The following CRIP1 variants were observed in gnomAD, a reference collection of about 807,000 sequenced individuals.
CRIP1 encodes cysteine rich protein 1.
A neutral mutation model predicts 12.9 loss-of-function variants in CRIP1; 11 were observed. The observed-to-expected ratio is 0.86, with a 90% CI of 0.54 to 1.42. The LOEUF (loss-of-function observed/expected upper bound fraction) is 1.42. Ranked by LOEUF, CRIP1 falls within the 40% of genes most tolerant of loss-of-function variation. The probability of loss-of-function intolerance (pLI) is 0.00; values close to 1 mark genes in which losing one functional copy is unlikely to be tolerated. For synonymous variants in CRIP1, 41 were observed against 37.2 expected (o/e 1.10, Z -0.37); for missense variants, 122 against 101.3 (o/e 1.20, Z -0.88).
chr14:105,488,544 C>T lies in CRIP1; in HGVS notation c.*5+28C>T, dbSNP rs782695231. The stretch of plus-strand genomic sequence containing the variant: ...AGGTAGGACCCCACCCCCTATCCTG[C>T]CTCCTGGTTCCACCCTCGGGATGGG... On this transcript the variant is annotated intron_variant, in intron 5 of 5. Coordinates refer to ENST00000392531, the MANE Select transcript of CRIP1 (RefSeq NM_001311.5). The T allele has an allele frequency of 5.1e-6, 8 of 1,563,380 alleles. No individual in the cohort carries two copies. The Admixed American group carries it at 5.2e-5, about 10-fold the overall frequency.
chr14:105,488,073 T>C, intron 2 of CRIP1, 93 bp from the exon 3 acceptor site: 3 of 1,383,062 alleles, frequency 2.2e-6, no homozygotes, highest in Non-Finnish European at 3.0e-6. Flanking sequence ...CACAGGGCCT[T>C]GGGCAGAGCT....
Position 105,488,502 on chromosome 14 carries a change from T to C in CRIP1, c.225T>C (p.Thr75=), listed in dbSNP as rs1555438587. ...GGCGGGGCGGAGCCGAGAGCCACAC[T>C]TTCAAGTAAACCAGGTAGGTAGGAC... ...GFGRGGAESH[T]FK The change falls in exon 5 of 6, where the codon ACT becomes ACC. Residue 75 remains threonine (T), a synonymous_variant. Transcript: ENST00000392531. 1 of 1,584,266 alleles carries C rather than the reference T, an allele frequency of 6.3e-7. No homozygotes were observed. The highest frequency in any genetic ancestry group is 1.7e-5 in the Admixed American group (1 of 58,256).
In CRIP1 at chr14:105,487,246, G is replaced by C. The variant is rs1555438198; in HGVS notation, c.-14G>C. 8 of 1,543,962 alleles carry C rather than the reference G, an allele frequency of 5.2e-6. No homozygotes were observed. The South Asian group carries it at 9.6e-5, about 19-fold the overall frequency. ...GCCCCAGCCGCTGCCGCCTGCACCGGACCCGGAGCCGTCATGCCCAAGTGT... is the reference window on the plus strand; with the variant it reads ...GCCCCAGCCGCTGCCGCCTGCACCGCACCCGGAGCCGTCATGCCCAAGTGT... On this transcript the variant is annotated 5_prime_UTR_variant, in exon 2 of 6. Transcript: ENST00000392531.
Position 105,488,694 on chromosome 14 carries a change from G to A in CRIP1, c.*37G>A, listed in dbSNP as rs1567069895. 2 of 679,466 alleles carry A rather than the reference G, an allele frequency of 2.9e-6. No individual in the cohort carries two copies. The allele number at this position is 679,466 out of a possible 1,614,324, so 42.1% of individuals were successfully genotyped here. A position where few individuals can be genotyped will look rare whatever the true frequency, so the allele number is the denominator to read the frequency against. On this transcript the variant is annotated 3_prime_UTR_variant, in exon 6 of 6. Coordinates refer to ENST00000392531, the MANE Select transcript of CRIP1 (RefSeq NM_001311.5). ...GAGACCCCATCCTTGGCTGCTTGCA[G>A]GGCCACTGTCCAGGCAAATGCCAGG...
rs2084130378 is a variant in CRIP1, at chr14:105,487,303, A to T, written c.40+4A>T. On this transcript the variant is annotated splice_donor_region_variant and intron_variant, in intron 2 of 5. Transcript: ENST00000392531. ...TGCAACAAGGAGGTGTACTTCGGTG[A>T]GCGCGCCCACACCGGCCCCGCGAGG... is the stretch of plus-strand genomic sequence containing the variant. 6.5e-7 allele frequency: 1 copy of T among 1,542,420 alleles called. No individual in the cohort carries two copies. The highest frequency in any genetic ancestry group is 8.7e-7 in the Non-Finnish European group (1 of 1,143,960).
chr14:105,487,085 G>A (rs1437236328), intron 1 of CRIP1, 113 bp downstream of exon 1: 6 of 1,365,886 alleles, frequency 4.4e-6, no homozygotes, highest in Non-Finnish European at 4.8e-6. Flanking sequence ...GCCTAGATTC[G>A]AGGTCCCCAG....
rs2084145416 is a variant in CRIP1, at chr14:105,488,331, C to G, written c.136C>G (p.His46Asp). ...KTLTSGGHAE[H>D]EGKPYCNHPC... ...CCCCTCACGGCCCTTCTCTTTGCAGCACGAAGGCAAACCCTACTGCAACCA... is the reference window on the plus strand; with the variant it reads ...CCCCTCACGGCCCTTCTCTTTGCAGGACGAAGGCAAACCCTACTGCAACCA... Residue 46 changes from histidine to aspartate, a missense_variant and splice_region_variant, in exon 4 of 6, where the codon CAC (histidine) becomes GAC (aspartate). By Grantham distance (81) the His-to-Asp change is moderately conservative. Transcript: ENST00000392531. 6.8e-6 allele frequency: 11 copies of G among 1,613,514 alleles called. No homozygotes were observed. The highest frequency in any genetic ancestry group is 8.5e-6 in the Non-Finnish European group (10 of 1,180,004).
At chr14:105,488,297 T>A in intron 3 of CRIP1, 34 bp from the exon 4 acceptor site, 1 of 1,613,068 alleles carries the variant, frequency 6.2e-7, no homozygotes, top group Non-Finnish European at 8.5e-7. Context: ...GGGCCAGGGG[T>A]GATGGCACCC....
chr14:105,487,610 C>A, intron 2 of CRIP1: 1 of 333,474 alleles, frequency 3.0e-6, no homozygotes. Context: ...ACCCGCAGGG[C>A]TGGAAGGAAC....
chr14:105,488,186 G>T lies in CRIP1; in HGVS notation c.61G>T (p.Gly21Cys). 2 of 1,612,964 alleles carry T rather than the reference G, an allele frequency of 1.2e-6. No homozygotes were observed. Among genetic ancestry groups the T allele is most frequent in the Non-Finnish European group, 1.7e-6 (2 of 1,180,004 alleles). Residue 21 changes from glycine (G) to cysteine (C), a missense_variant, in exon 3 of 6, where the codon GGC (glycine) becomes TGC (cysteine). Gly to Cys is a radical substitution (Grantham distance 159, BLOSUM62 -3). Coordinates refer to ENST00000392531, the MANE Select transcript of CRIP1 (RefSeq NM_001311.5). The stretch of plus-strand genomic sequence containing the variant: ...TGCAGCCGAGAGGGTGACCTCTCTG[G>T]GCAAGGACTGGCATCGGCCCTGCCT... ...VYFAERVTSLGKDWHRPCLKC... is the reference protein window; with the variant it reads ...VYFAERVTSLCKDWHRPCLKC...
At position 105,488,891 on chromosome 14, in the gene CRIP1, A is replaced by G; in HGVS notation, c.*234A>G. 3.7e-6 allele frequency: 1 copy of G among 272,632 alleles called. No homozygotes were observed. Among genetic ancestry groups the G allele is most frequent in the Non-Finnish European group, 7.0e-6 (1 of 141,864 alleles). The allele number at this position is 272,632 out of a possible 1,614,324, so 16.9% of individuals were successfully genotyped here. A position where few individuals can be genotyped will look rare whatever the true frequency, so the allele number is the denominator to read the frequency against. On this transcript the variant is annotated 3_prime_UTR_variant, in exon 6 of 6. Coordinates refer to ENST00000392531, the MANE Select transcript of CRIP1 (RefSeq NM_001311.5). ...ACCGGCGCCTGCTCTTCTGCTGCCC[A>G]TTGCCCTCCCCAGGGGGCCGTTCCA...
chr14:105,486,899 A>C lies in CRIP1; in HGVS notation c.-135A>C. On this transcript the variant is annotated 5_prime_UTR_variant, in exon 1 of 6. Transcript: ENST00000392531. ...CTGCGGGTGAGCCTTTTGCCTCGGAACTGGACCCGGGAGACATCACAGCGC... is the reference window on the plus strand; with the variant it reads ...CTGCGGGTGAGCCTTTTGCCTCGGACCTGGACCCGGGAGACATCACAGCGC... 1 of 1,080,066 alleles carries C rather than the reference A, an allele frequency of 9.3e-7. No homozygotes were observed. Among genetic ancestry groups the C allele is most frequent in the South Asian group, 3.7e-5 (1 of 27,080 alleles). 66.9% of individuals were successfully genotyped at this position (1,080,066 alleles called of 1,614,324 possible).
In CRIP1 at chr14:105,487,224, C is replaced by T. The variant is rs1326167668; in HGVS notation, c.-36C>T. On this transcript the variant is annotated 5_prime_UTR_variant, in exon 2 of 6. Transcript: ENST00000392531. ...TCTCGCGCCTGCAGCCCGTGCCGCC[C>T]CAGCCGCTGCCGCCTGCACCGGACC... 2.6e-6 allele frequency: 4 copies of T among 1,541,682 alleles called. No individual in the cohort carries two copies. Among genetic ancestry groups the T allele is most frequent in the Non-Finnish European group, 3.5e-6 (4 of 1,143,806 alleles).
At position 105,487,188 on chromosome 14, in the gene CRIP1, G is replaced by A. The variant is rs1224534763; in HGVS notation, c.-61-11G>A. On this transcript the variant is annotated splice_polypyrimidine_tract_variant and intron_variant, in intron 1 of 5. Transcript: ENST00000392531. ...TCCCTGAAAGGCGCGGACCAGGCCG[G>A]ATCCACCCAGTCTCGCGCCTGCAGC... The A allele has an allele frequency of 6.5e-7, 1 of 1,531,924 alleles. No homozygotes were observed. Among genetic ancestry groups the A allele is most frequent in the Non-Finnish European group, 8.8e-7 (1 of 1,139,332 alleles). The allele number at this position is 1,531,924 out of a possible 1,614,324, so 94.9% of individuals were successfully genotyped here.
Position 105,487,720 on chromosome 14 carries a change from G to A in CRIP1, c.40+421G>A, listed in dbSNP as rs587761338. 2.2e-4 allele frequency: 44 copies of A among 198,628 alleles called. No homozygotes were observed. In the East Asian group the frequency reaches 5.3e-3, roughly 24 times the overall value. The allele number at this position is 198,628 out of a possible 1,614,324, so 12.3% of individuals were successfully genotyped here. A position where few individuals can be genotyped will look rare whatever the true frequency, so the allele number is the denominator to read the frequency against. On this transcript the variant is annotated intron_variant, in intron 2 of 5. Transcript: ENST00000392531. The stretch of plus-strand genomic sequence containing the variant: ...GCGCCCGCCTCCCTGCCCCGCGCCC[G>A]CGCGCCCCGAGGGGAGGGAGGAAGT...
In CRIP1 at chr14:105,488,697, C is replaced by G. The variant is rs932446913; in HGVS notation, c.*40C>G. 1.0e-5 allele frequency: 7 copies of G among 669,656 alleles called. No homozygotes were observed. In the African/African-American group the frequency reaches 1.3e-4, roughly 12 times the overall value. The allele number at this position is 669,656 out of a possible 1,614,324, so 41.5% of individuals were successfully genotyped here. ...ACCCCATCCTTGGCTGCTTGCAGGG[C>G]CACTGTCCAGGCAAATGCCAGGCCT... On this transcript the variant is annotated 3_prime_UTR_variant, in exon 6 of 6. Coordinates refer to ENST00000392531, the MANE Select transcript of CRIP1 (RefSeq NM_001311.5).
intron 2 of CRIP1, 194 bp from the exon 3 acceptor site, chr14:105,487,972 G>A: frequency 1.7e-6 from 1 of 600,762 alleles, no homozygotes; most frequent in South Asian, 2.0e-5. Flanking sequence ...TTGTTTAGTT[G>A]TATTGGCTCT....
rs1451446799 is a variant in CRIP1, at chr14:105,488,520, G to A, written c.*5+4G>A. ...GCCACACTTTCAAGTAAACCAGGTA[G>A]GTAGGACCCCACCCCCTATCCTGCC... is the stretch of plus-strand genomic sequence containing the variant. On this transcript the variant is annotated splice_donor_region_variant and intron_variant, in intron 5 of 5. Transcript: ENST00000392531. 2 of 1,584,848 alleles carry A rather than the reference G, an allele frequency of 1.3e-6. No homozygotes were observed. Among genetic ancestry groups the A allele is most frequent in the Non-Finnish European group, 1.7e-6 (2 of 1,164,380 alleles).
At position 105,488,020 on chromosome 14, in the gene CRIP1, A is replaced by G. The variant is rs587659903; in HGVS notation, c.41-146A>G. The G allele has an allele frequency of 2.5e-4, 177 of 721,306 alleles. 1 individual carries two copies. The African/African-American group carries it at 2.8e-3, about 11-fold the overall frequency. 44.7% of individuals were successfully genotyped at this position (721,306 alleles called of 1,614,324 possible). A position where few individuals can be genotyped will look rare whatever the true frequency, so the allele number is the denominator to read the frequency against. On this transcript the variant is annotated intron_variant, in intron 2 of 5. Transcript: ENST00000392531. Reference sequence around the variant, plus strand: ...TGTTCCCCTCATGGAGGGTGCTGAGACCTTAGGGTGGGCTGCCAGGCTGGG... The same window carrying G: ...TGTTCCCCTCATGGAGGGTGCTGAGGCCTTAGGGTGGGCTGCCAGGCTGGG...
Sources: gnomAD v4.1 joint callset for allele counts on GRCh38, gnomAD v4.1.1 for gene constraint, MANE v1.5 for transcripts, NCBI Gene and HGNC (gene_info 2026-07-23, HGNC 2026-07-21) for gene names.